COQ8B: variants seen among roughly 807,000 people sequenced by gnomAD.
The protein encoded by COQ8B is atypical kinase COQ8B, mitochondrial.
COQ8B carries 44 observed loss-of-function variants against 62.0 expected under a neutral mutation model. That is an observed-to-expected ratio of 0.71 (90% CI 0.56 to 0.91). COQ8B has a LOEUF of 0.91. Among genes scored for constraint, COQ8B ranks in the 40% least tolerant of loss-of-function variants. The pLI, the probability that COQ8B is intolerant of heterozygous loss-of-function variation, is 0.00. For missense variants in COQ8B, 649 were observed against 731.6 expected, an observed-to-expected ratio of 0.89 and a Z score of 1.30; for synonymous variants, 252 against 289.9, an observed-to-expected ratio of 0.87 and a Z score of 1.33.
At chr19:40,696,075 A>C in intron 12 of COQ8B, 21 bp from the exon 13 acceptor site, 4 of 1,613,094 alleles carry the variant, frequency 2.5e-6, no homozygotes, top group Non-Finnish European at 2.5e-6. Context: ...GGAATGGTGA[A>C]AGGAATGCTG....
At chr19:40,712,020 T>C (rs2082145653) in intron 4 of COQ8B, among the ~76,000 whole-genome samples, 1 of 151,714 alleles carries the variant, frequency 6.6e-6, no homozygotes, top group Admixed American at 6.6e-5. Context: ...TATGTATATA[T>C]ATATAGATTT....
intron 1 of COQ8B, chr19:40,715,696 T>G (rs922620442): frequency 1.2e-6 from 1 of 828,740 alleles, no homozygotes; most frequent in Non-Finnish European, 1.5e-6. Flanking sequence ...TTCTCTCCGC[T>G]CCCCGCCCAC....
chr19:40,714,924 T>C, intron 1 of COQ8B: 1 of 1,169,480 alleles, frequency 8.6e-7, no homozygotes, highest in Non-Finnish European at 1.1e-6. Flanking sequence ...TCTCCACTTC[T>C]CTGAAACCCC....
At chr19:40,709,263 TG>T (rs1239881484) in intron 5 of COQ8B, among the ~76,000 whole-genome samples, 1 of 152,244 alleles carries the variant, frequency 6.6e-6, no homozygotes, top group Non-Finnish European at 1.5e-5. Flanking sequence ...CTTTCATGGC[TG>T]TTTTTTCCAA....
At chr19:40,714,968 G>A (rs757847073) in intron 1 of COQ8B, 1 of 1,056,268 alleles carries the variant, frequency 9.5e-7, no homozygotes, top group Non-Finnish European at 1.1e-6. Context: ...CCCTCTGTTG[G>A]CCCTGTAGGC....
rs2082108390 is a variant in COQ8B, at chr19:40,707,341, C to T, written c.368-1894G>A. Among the ~76,000 whole-genome samples the T allele has an allele frequency of 2.0e-5, 3 of 151,754 alleles. No homozygotes were observed. The South Asian group carries it at 6.2e-4, about 31-fold the overall frequency. ...CTTCATTTCCCCCAATCTCCCCAGG[C>T]CTTGACAACCACTAATCTACTTTAT... On this transcript the variant is annotated intron_variant, in intron 5 of 14. Transcript: ENST00000324464.
At chr19:40,707,878 A>G (rs74504178) in intron 5 of COQ8B, among the ~76,000 whole-genome samples, 6,183 of 152,256 alleles carry the variant, frequency 0.041, 162 homozygotes, top group African/African-American at 0.067. Context: ...TCAGTTTTAA[A>G]GGTGTGCAGG....
chr19:40,702,533 G>T (rs2082068266), intron 10 of COQ8B, 67 bp downstream of exon 10: 2 of 1,470,242 alleles, frequency 1.4e-6, no homozygotes, highest in African/African-American at 1.4e-5. Flanking sequence ...CAGAAGCTGA[G>T]GGGGCAGCTA....
chr19:40,694,368 T>G (rs1291409083), intron 13 of COQ8B, among the ~76,000 whole-genome samples: 2 of 152,212 alleles, frequency 1.3e-5, no homozygotes, highest in African/African-American at 4.8e-5. Context: ...ATCCCTTCCC[T>G]GCTCAAATCT....
chr19:40,714,291 G>A lies in COQ8B; in HGVS notation c.209C>T (p.Thr70Ile), dbSNP rs566061730. 11 of 1,612,870 alleles carry A rather than the reference G, an allele frequency of 6.8e-6. No homozygotes were observed. In the African/African-American group the frequency reaches 9.3e-5, roughly 14 times the overall value. Residue 70 changes from threonine (T) to isoleucine (I), a missense_variant, in exon 3 of 15, where the codon ACA becomes ATA. Coordinates refer to ENST00000324464, the MANE Select transcript of COQ8B (RefSeq NM_024876.4). ...RRAREARPRK[T>I]PRPQLSDRSR... The stretch of plus-strand genomic sequence containing the variant: ...GGGTAATGATACCTGGGGCCGGGGT[G>A]TCTTCCTGGGACGGGCCTCCCGTGC...
At position 40,700,411 on chromosome 19, in the gene COQ8B, C is replaced by T. The variant is rs776342195; in HGVS notation, c.934G>A (p.Val312Met). 1.9e-5 allele frequency: 30 copies of T among 1,613,940 alleles called. No individual in the cohort carries two copies. Among genetic ancestry groups the T allele is most frequent in the African/African-American group, 1.3e-4 (10 of 74,960 alleles). ...CGTGTCGTGCACAGCTCCTTAACCA[C>T]GGCTGGGACCCGGAAGAAGGGGTCA... ...ANDPFFRVPA[V>M]VKELCTTRVL... The change falls in exon 11 of 15, where the codon GTG becomes ATG. Residue 312 changes from valine (V) to methionine (M), a missense_variant. Physicochemically the swap from Val to Met is conservative, Grantham distance 21 (BLOSUM62 1). Transcript: ENST00000324464.
chr19:40,699,920 G>A lies in COQ8B; in HGVS notation c.1143+147C>T. On this transcript the variant is annotated intron_variant, in intron 12 of 14. Coordinates refer to ENST00000324464, the MANE Select transcript of COQ8B (RefSeq NM_024876.4). ...GGATGGCAAAACCACAAAAGGGAAG[G>A]AGCTGGGTCCCTGAATCCCACTTGG... The A allele has an allele frequency of 4.3e-6, 3 of 700,782 alleles. No individual in the cohort carries two copies. The South Asian group carries it at 5.4e-5, about 13-fold the overall frequency. 43.4% of individuals were successfully genotyped at this position (700,782 alleles called of 1,614,324 possible). A position where few individuals can be genotyped will look rare whatever the true frequency, so the allele number is the denominator to read the frequency against.
At chr19:40,697,876 A>AGAGAGAGAGAGAGAGAGAGAGAGT (rs1316282364) in intron 12 of COQ8B, among the ~76,000 whole-genome samples, 24 of 71,188 alleles carry the variant, frequency 3.4e-4, no homozygotes, top group Non-Finnish European at 5.9e-4. Flanking sequence ...AGAGAGAGAG[A>AGAGAGAGAGAGAGAGAGAGAGAGT]GTTTCTACTG....
At chr19:40,709,933 AG>A in intron 5 of COQ8B, 125 bp downstream of exon 5, 1 of 866,910 alleles carries the variant, frequency 1.2e-6, no homozygotes. Flanking sequence ...TGACTCTAAG[AG>A]GTGGGTAAAT....
At position 40,714,759 on chromosome 19, in the gene COQ8B, G is replaced by T. The variant is rs2082171846; in HGVS notation, c.-3-124C>A. 3.1e-6 allele frequency: 4 copies of T among 1,293,422 alleles called. No individual in the cohort carries two copies. The South Asian group carries it at 6.6e-5, about 21-fold the overall frequency. The allele number at this position is 1,293,422 out of a possible 1,614,324, so 80.1% of individuals were successfully genotyped here. On this transcript the variant is annotated intron_variant, in intron 1 of 14. Coordinates refer to ENST00000324464, the MANE Select transcript of COQ8B (RefSeq NM_024876.4). ...CTAAATACTTCCTCCACTATTAATA[G>T]ATTCCCACAGTTTCTCCTGGTTCTC...
intron 4 of COQ8B, among the ~76,000 whole-genome samples, chr19:40,712,620 G>A (rs139920748): frequency 0.016 from 2,405 of 152,066 alleles, 20 homozygotes; most frequent in Non-Finnish European, 0.024. Context: ...CTTGAACCAT[G>A]ATCAGCAATA....
intron 5 of COQ8B, among the ~76,000 whole-genome samples, chr19:40,706,284 G>T (rs1047087245): frequency 6.6e-6 from 1 of 152,144 alleles, no homozygotes; most frequent in Non-Finnish European, 1.5e-5. Flanking sequence ...CATTCAGAGG[G>T]GTCTGAGAGA....
At chr19:40,695,945 G>A (rs767763269) in intron 13 of COQ8B, 44 bp downstream of exon 13, 38 of 1,592,314 alleles carry the variant, frequency 2.4e-5, no homozygotes, top group Non-Finnish European at 2.8e-5. Context: ...TATATGGCTT[G>A]AGCCTCAGCC....
rs773624577 is a variant in COQ8B, at chr19:40,692,080, G to A, written c.1590C>T (p.Ala530=). 4.4e-6 allele frequency: 7 copies of A among 1,608,482 alleles called. No homozygotes were observed. In the South Asian group the frequency reaches 4.4e-5, roughly 10 times the overall value. Residue 530 remains alanine, a synonymous_variant, in exon 15 of 15, where the codon GCC becomes GCT. Transcript: ENST00000324464. ...WASRQPDAAT[A]GSLPTKGDSW... is the part of the protein sequence containing the mutation. ...AGTCCCCTTTGGTGGGGAGGCTGCCGGCAGTGGCTGCGTCTGGCTGGCGAC... is the reference window on the plus strand; with the variant it reads ...AGTCCCCTTTGGTGGGGAGGCTGCCAGCAGTGGCTGCGTCTGGCTGGCGAC...
Sources: gnomAD v4.1 joint callset for allele counts (sites outside exome capture counted in the v4.1 genomes callset) on GRCh38, gnomAD v4.1.1 for gene constraint, MANE v1.5 for transcripts, NCBI Gene and HGNC (gene_info 2026-07-23, HGNC 2026-07-21) for gene names.